Variants in GRK3 observed in about 807,000 individuals in gnomAD.
GRK3 encodes the protein G protein-coupled receptor kinase 3, also known as adrenergic, beta, receptor kinase 2.
GRK3 carries 54 observed loss-of-function variants against 95.7 expected under a neutral mutation model. The observed-to-expected ratio is 0.56, with a 90% CI of 0.45 to 0.71. The LOEUF (loss-of-function observed/expected upper bound fraction) is 0.71. Among genes scored for constraint, GRK3 ranks in the 30% least tolerant of loss-of-function variants. The probability of loss-of-function intolerance (pLI) is 0.00; values close to 1 mark genes in which losing one functional copy is unlikely to be tolerated. For synonymous variants in GRK3, 281 were observed against 290.8 expected (o/e 0.97, Z 0.34); for missense variants, 649 against 851.2 (o/e 0.76, Z 2.96).
Position 25,687,616 on chromosome 22 carries a change from T to C in GRK3, c.906T>C (p.Ile302=), listed in dbSNP as rs1439522272. 2 of 1,614,078 alleles carry C rather than the reference T, an allele frequency of 1.2e-6. No homozygotes were observed. The highest frequency in any genetic ancestry group is 8.5e-7 in the Non-Finnish European group (1 of 1,180,026). ...KEMRFYATEI[I]LGLEHMHNRF... is the part of the protein sequence containing the mutation. ...TGCGGTTTTATGCCACTGAAATCATTCTGGGTCTGGAACACATGCACAATC... is the reference window on the plus strand; with the variant it reads ...TGCGGTTTTATGCCACTGAAATCATCCTGGGTCTGGAACACATGCACAATC... Residue 302 remains isoleucine (I), a synonymous_variant, in exon 11 of 21, where the codon ATT becomes ATC. Transcript: ENST00000324198.
At chr22:25,703,633 G>C (rs376942262) in intron 14 of GRK3, 57 bp downstream of exon 14, 6 of 1,219,414 alleles carry the variant, frequency 4.9e-6, no homozygotes, top group Non-Finnish European at 7.1e-6. Flanking sequence ...GCTTCATTCC[G>C]TCAATAATAA....
chr22:25,585,667 T>A (rs1932274166), intron 1 of GRK3, among the ~76,000 whole-genome samples: 1 of 152,282 alleles, frequency 6.6e-6, no homozygotes, highest in Non-Finnish European at 1.5e-5. Flanking sequence ...TTATGAGTTG[T>A]TTAGGAGTGG....
chr22:25,670,220 G>A (rs181393751), intron 6 of GRK3, among the ~76,000 whole-genome samples: 29 of 152,334 alleles, frequency 1.9e-4, no homozygotes, highest in African/African-American at 6.5e-4. Context: ...TTGGTCGGGT[G>A]TGGTGGCTCG....
intron 13 of GRK3, among the ~76,000 whole-genome samples, chr22:25,695,418 G>A (rs1006529822): frequency 1.3e-5 from 2 of 152,186 alleles, no homozygotes; most frequent in Non-Finnish European, 2.9e-5. Flanking sequence ...TTATGGCTTC[G>A]TATTTTTATT....
chr22:25,638,505 C>T (rs957610586), intron 2 of GRK3, among the ~76,000 whole-genome samples: 3 of 152,204 alleles, frequency 2.0e-5, no homozygotes, highest in Non-Finnish European at 4.4e-5. Flanking sequence ...TCAGCAAGCA[C>T]CTCAGTCGGT....
chr22:25,672,375 T>C, intron 7 of GRK3, 28 bp downstream of exon 7: 1 of 1,260,688 alleles, frequency 7.9e-7, no homozygotes, highest in South Asian at 1.3e-5. Flanking sequence ...CTTTTTTCAT[T>C]TTTTAAATAA....
intron 1 of GRK3, among the ~76,000 whole-genome samples, chr22:25,585,960 G>C (rs1182219828): frequency 6.6e-6 from 1 of 152,290 alleles, no homozygotes; most frequent in African/African-American, 2.4e-5. Flanking sequence ...GTTGGGGAAG[G>C]CTCCACGGTG....
intron 1 of GRK3, among the ~76,000 whole-genome samples, chr22:25,590,526 AAAAC>A (rs890831514): frequency 2.3e-4 from 35 of 152,324 alleles, no homozygotes; most frequent in African/African-American, 8.2e-4. Flanking sequence ...TGGTGCAATT[AAAAC>A]AAACAAACAG....
At chr22:25,704,343 C>T (rs2085283155) in intron 15 of GRK3, 134 bp downstream of exon 15, 1 of 631,986 alleles carries the variant, frequency 1.6e-6, no homozygotes, top group Non-Finnish European at 2.8e-6. Context: ...AAATAAATCA[C>T]ATGGGAAATA....
At chr22:25,678,509 C>T (rs897476591) in intron 8 of GRK3, among the ~76,000 whole-genome samples, 1 of 152,152 alleles carries the variant, frequency 6.6e-6, no homozygotes, top group African/African-American at 2.4e-5. Context: ...TTCACAATTC[C>T]TAGCTGCTAA....
intron 1 of GRK3, among the ~76,000 whole-genome samples, chr22:25,577,473 C>G (rs936326904): frequency 1.3e-5 from 2 of 152,256 alleles, no homozygotes; most frequent in South Asian, 4.1e-4. Context: ...CCGTGCCTGG[C>G]CCGTAAAGGA....
intron 1 of GRK3, among the ~76,000 whole-genome samples, chr22:25,574,979 A>T (rs1317237298): frequency 6.6e-6 from 1 of 152,222 alleles, no homozygotes; most frequent in East Asian, 1.9e-4. Flanking sequence ...AAAATTGCAC[A>T]ATAGCAGTTT....
intron 15 of GRK3, among the ~76,000 whole-genome samples, chr22:25,705,322 G>C (rs1439578628): frequency 6.6e-6 from 1 of 152,012 alleles, no homozygotes; most frequent in Non-Finnish European, 1.5e-5. Context: ...ACTATAAACA[G>C]TATCTGAGTT....
Position 25,690,177 on chromosome 22 carries a change from C to G in GRK3, c.958-12C>G. ...GGGCACTCTTATTAAAGATTATTCTCTTTCTGTTTAGCCAGCAAATATTCT... is the reference window on the plus strand; with the variant it reads ...GGGCACTCTTATTAAAGATTATTCTGTTTCTGTTTAGCCAGCAAATATTCT... On this transcript the variant is annotated splice_polypyrimidine_tract_variant and intron_variant, in intron 11 of 20. Coordinates refer to ENST00000324198, the MANE Select transcript of GRK3 (RefSeq NM_005160.4). 1 of 1,608,566 alleles carries G rather than the reference C, an allele frequency of 6.2e-7. No homozygotes were observed. The highest frequency in any genetic ancestry group is 8.5e-7 in the Non-Finnish European group (1 of 1,175,176).
At chr22:25,649,667 CA>C (rs1394142876) in intron 3 of GRK3, among the ~76,000 whole-genome samples, 2 of 152,112 alleles carry the variant, frequency 1.3e-5, no homozygotes, top group East Asian at 3.9e-4. Context: ...CAAATAATTC[CA>C]TTCCAGTTTT....
At chr22:25,636,184 T>A (rs1343351946) in intron 2 of GRK3, among the ~76,000 whole-genome samples, 1 of 152,212 alleles carries the variant, frequency 6.6e-6, no homozygotes, top group Non-Finnish European at 1.5e-5. Context: ...GCCTTTTCTC[T>A]AAGGAGCTCT....
chr22:25,699,612 CT>C (rs1411546558), intron 13 of GRK3, among the ~76,000 whole-genome samples: 4 of 152,176 alleles, frequency 2.6e-5, no homozygotes, highest in African/African-American at 7.2e-5. Flanking sequence ...GCAAATGCCC[CT>C]CCCTCCTCCC....
At chr22:25,710,084 C>T (rs1157292063) in intron 16 of GRK3, 120 bp downstream of exon 16, 1 of 763,976 alleles carries the variant, frequency 1.3e-6, no homozygotes, top group Admixed American at 1.9e-5. Flanking sequence ...TGTGTCTCCC[C>T]AGCATCCCCA....
At chr22:25,703,927 GC>G (rs1473674838) in intron 14 of GRK3, among the ~76,000 whole-genome samples, 181 bp from the exon 15 acceptor site, 19 of 152,266 alleles carry the variant, frequency 1.2e-4, no homozygotes, top group African/African-American at 4.6e-4. Context: ...TCTGCCCCCA[GC>G]CTCATTGATT....
Sources: gnomAD v4.1 joint callset for allele counts (sites outside exome capture counted in the v4.1 genomes callset) on GRCh38, gnomAD v4.1.1 for gene constraint, MANE v1.5 for transcripts, NCBI Gene and HGNC (gene_info 2026-07-23, HGNC 2026-07-21) for gene names.